The following OPCML variants were observed in gnomAD, a reference collection of about 807,000 sequenced individuals.
OPCML encodes the protein opioid-binding protein/cell adhesion molecule.
Under a neutral mutation model 37.8 loss-of-function variants are expected in OPCML, and 13 were observed. The ratio of observed to expected loss-of-function variants is 0.34; its 90% confidence interval spans 0.22 to 0.55. The LOEUF (loss-of-function observed/expected upper bound fraction) is 0.55. Ranked by LOEUF, OPCML falls within the 20% of genes least tolerant of loss-of-function variation. OPCML has a pLI of 0.91. For missense variants in OPCML, 341 were observed against 435.6 expected (o/e 0.78, Z 1.93); for synonymous variants, 176 against 168.8 (o/e 1.04, Z -0.33).
chr11:132,632,601 C>T lies in OPCML; in HGVS notation c.379+24486G>A, dbSNP rs890180246. Among the ~76,000 whole-genome samples the T allele has an allele frequency of 3.0e-4, 45 of 152,184 alleles. 1 individual carries two copies. Among genetic ancestry groups the T allele is most frequent in the East Asian group, 3.9e-4 (2 of 5,158 alleles). ...CAACACAATGTCGCCGCAGAGGAGT[C>T]GCTTCCTGAGTGGTTCCATGATAGC... On this transcript the variant is annotated intron_variant, in intron 3 of 7. Coordinates refer to ENST00000524381, the MANE Select transcript of OPCML (RefSeq NM_001012393.5).
chr11:133,511,765 A>G (rs538185424), intron 1 of OPCML, among the ~76,000 whole-genome samples: 1 of 151,170 alleles, frequency 6.6e-6, no homozygotes, highest in Non-Finnish European at 1.5e-5. Flanking sequence ...ATTTATCTAC[A>G]TGCTATGTTT....
intron 1 of OPCML, among the ~76,000 whole-genome samples, chr11:132,983,516 C>T (rs969646225): frequency 2.0e-5 from 3 of 152,188 alleles, no homozygotes; most frequent in East Asian, 1.9e-4. Context: ...ATGTTGTTCT[C>T]GCTGCTCATG....
At chr11:132,421,920 A>G (rs2095960642) in intron 7 of OPCML, among the ~76,000 whole-genome samples, 1 of 152,118 alleles carries the variant, frequency 6.6e-6, no homozygotes, top group Admixed American at 6.6e-5. Context: ...TTGAAAGATG[A>G]GTGATTTAGG....
intron 1 of OPCML, among the ~76,000 whole-genome samples, chr11:133,349,198 A>G (rs1294360642): frequency 2.0e-5 from 3 of 152,232 alleles, no homozygotes; most frequent in African/African-American, 7.2e-5. Flanking sequence ...CCTGAGCCAC[A>G]CTTGGCTAAA....
intron 3 of OPCML, among the ~76,000 whole-genome samples, chr11:132,560,914 G>A (rs543388121): frequency 2.6e-4 from 40 of 152,220 alleles, no homozygotes; most frequent in African/African-American, 7.7e-4. Context: ...AAGCTGTTGC[G>A]TTTAATTAAG....
intron 1 of OPCML, among the ~76,000 whole-genome samples, chr11:133,508,704 GC>G (rs1948091311): frequency 6.6e-6 from 1 of 152,176 alleles, no homozygotes; most frequent in South Asian, 2.1e-4. Context: ...AACGTCTTCT[GC>G]CCCGTGACTT....
chr11:133,093,822 G>T (rs1231352043), intron 1 of OPCML, among the ~76,000 whole-genome samples: 1 of 151,892 alleles, frequency 6.6e-6, no homozygotes, highest in African/African-American at 2.4e-5. Context: ...AGTGGGAAAA[G>T]AAGGCAGCAC....
At chr11:133,140,823 A>AGACGACGACGAAGACGAAGACGAC (rs1565468037) in intron 1 of OPCML, among the ~76,000 whole-genome samples, 1 of 31,698 alleles carries the variant, frequency 3.2e-5, no homozygotes, top group African/African-American at 6.8e-5. Flanking sequence ...ACGAAGAAGA[A>AGACGACGACGAAGACGAAGACGAC]GACGACGACG....
chr11:133,469,243 G>A (rs534505439), intron 1 of OPCML, among the ~76,000 whole-genome samples: 1 of 152,290 alleles, frequency 6.6e-6, no homozygotes, highest in African/African-American at 2.4e-5. Context: ...ATATGATAGT[G>A]GTCTCATAAT....
At chr11:133,308,516 T>C (rs1332289770) in intron 1 of OPCML, among the ~76,000 whole-genome samples, 1 of 152,058 alleles carries the variant, frequency 6.6e-6, no homozygotes, top group African/African-American at 2.4e-5. Flanking sequence ...CTCATGGGAT[T>C]TAAAAATATA....
chr11:132,897,850 G>A lies in OPCML; in HGVS notation c.146+45076C>T, dbSNP rs149195071. 2.0e-4 allele frequency among the ~76,000 whole-genome samples: 31 copies of A among 152,332 alleles called. No homozygotes were observed. In the East Asian group the frequency reaches 6.0e-3, roughly 29 times the overall value. On this transcript the variant is annotated intron_variant, in intron 2 of 7. Coordinates refer to ENST00000524381, the MANE Select transcript of OPCML (RefSeq NM_001012393.5). ...AGAAAATTGGTGGCAAAAACATTGA[G>A]AGAATAGATATGTGGATAGATCTCT...
chr11:133,102,601 T>A (rs2137074772), intron 1 of OPCML, among the ~76,000 whole-genome samples: 1 of 151,970 alleles, frequency 6.6e-6, no homozygotes, highest in African/African-American at 2.4e-5. Context: ...ACAAAAAAAA[T>A]TCACCAGGCG....
At chr11:132,785,247 G>T (rs752960039) in intron 2 of OPCML, among the ~76,000 whole-genome samples, 1 of 152,118 alleles carries the variant, frequency 6.6e-6, no homozygotes, top group African/African-American at 2.4e-5. Context: ...AATAACTTAC[G>T]TACTTCTCAG....
intron 3 of OPCML, among the ~76,000 whole-genome samples, chr11:132,583,007 C>T (rs1282623073): frequency 1.3e-5 from 2 of 151,904 alleles, no homozygotes; most frequent in East Asian, 3.9e-4. Flanking sequence ...CACTGTGATG[C>T]AAAATCAATA....
intron 1 of OPCML, among the ~76,000 whole-genome samples, chr11:133,013,630 G>A (rs1947262880): frequency 6.6e-6 from 1 of 152,170 alleles, no homozygotes. Flanking sequence ...ATGGTCAAAA[G>A]TGCCACTTAT....
intron 1 of OPCML, among the ~76,000 whole-genome samples, chr11:133,014,744 G>A (rs1231564500): frequency 6.6e-6 from 1 of 152,214 alleles, no homozygotes; most frequent in Non-Finnish European, 1.5e-5. Context: ...GAAGTAAACA[G>A]TTTTAATCTG....
chr11:133,166,159 A>C (rs1226286585), intron 1 of OPCML, among the ~76,000 whole-genome samples: 1 of 152,178 alleles, frequency 6.6e-6, no homozygotes, highest in Non-Finnish European at 1.5e-5. Context: ...GGGGAAAAAA[A>C]TATAAAAACA....
intron 2 of OPCML, among the ~76,000 whole-genome samples, chr11:132,766,481 T>A (rs986879905): frequency 6.6e-5 from 10 of 152,136 alleles, no homozygotes; most frequent in Non-Finnish European, 1.5e-4. Flanking sequence ...TGCCCATAAA[T>A]GTATAACCTG....
chr11:132,965,082 A>C (rs1456584420), intron 1 of OPCML, among the ~76,000 whole-genome samples: 4 of 152,214 alleles, frequency 2.6e-5, no homozygotes, highest in Admixed American at 1.3e-4. Context: ...CTCTCACTAC[A>C]TGGGTGACAC....
Sources: gnomAD v4.1 joint callset for allele counts (sites outside exome capture counted in the v4.1 genomes callset) on GRCh38, gnomAD v4.1.1 for gene constraint, MANE v1.5 for transcripts, NCBI Gene and HGNC (gene_info 2026-07-23, HGNC 2026-07-21) for gene names.